MARCHF1: variants seen among roughly 807,000 people sequenced by gnomAD.
MARCHF1 encodes E3 ubiquitin-protein ligase MARCHF1.
A neutral mutation model predicts 54.2 loss-of-function variants in MARCHF1; 40 were observed. The observed-to-expected ratio is 0.74, with a 90% CI of 0.57 to 0.96. The LOEUF (loss-of-function observed/expected upper bound fraction) is 0.96. Ranked by LOEUF, MARCHF1 falls within the 40% of genes least tolerant of loss-of-function variation. The probability of loss-of-function intolerance (pLI) is 0.00; values close to 1 mark genes in which losing one functional copy is unlikely to be tolerated. For synonymous variants in MARCHF1, 236 were observed against 236.3 expected, an observed-to-expected ratio of 1.00 and a Z score of 0.01; for missense variants, 586 against 656.5, an observed-to-expected ratio of 0.89 and a Z score of 1.17.
chr4:163,655,757 C>T (rs1477363471), intron 5 of MARCHF1, among the ~76,000 whole-genome samples: 1 of 151,918 alleles, frequency 6.6e-6, no homozygotes, highest in Non-Finnish European at 1.5e-5. Context: ...GAAACTCACT[C>T]AAAACCACAC....
At chr4:164,107,699 GAGTA>G (rs961624280) in intron 2 of MARCHF1, among the ~76,000 whole-genome samples, 42 of 151,980 alleles carry the variant, frequency 2.8e-4, no homozygotes, top group African/African-American at 9.4e-4. Context: ...ACATTTAAGT[GAGTA>G]AGTGTTTACT....
chr4:164,078,811 C>T (rs1259091117), intron 2 of MARCHF1, among the ~76,000 whole-genome samples: 1 of 151,844 alleles, frequency 6.6e-6, no homozygotes, highest in African/African-American at 2.4e-5. Flanking sequence ...ACAACTATAC[C>T]TAATGTTAAA....
intron 1 of MARCHF1, among the ~76,000 whole-genome samples, chr4:164,374,747 T>C (rs1012946977): frequency 1.3e-5 from 2 of 152,116 alleles, no homozygotes; most frequent in Non-Finnish European, 2.9e-5. Context: ...AATCTTTCTT[T>C]CATGTAGTAG....
At chr4:163,655,126 T>C (rs911093826) in intron 5 of MARCHF1, among the ~76,000 whole-genome samples, 1 of 151,746 alleles carries the variant, frequency 6.6e-6, no homozygotes, top group Non-Finnish European at 1.5e-5. Flanking sequence ...CACTGATTTC[T>C]TGCTGAATGC....
intron 4 of MARCHF1, among the ~76,000 whole-genome samples, chr4:163,801,251 T>C (rs915040552): frequency 1.3e-5 from 2 of 152,044 alleles, no homozygotes; most frequent in African/African-American, 4.8e-5. Flanking sequence ...CAAGAACTTA[T>C]AAAGGATGAA....
In MARCHF1 at chr4:163,700,855, T is replaced by A; in HGVS notation, c.120A>T (p.Lys40Asn). Residue 40 changes from lysine (K) to asparagine (N), a missense_variant, in exon 5 of 10, where the codon AAA (lysine) becomes AAT (asparagine). By Grantham distance (94) the Lys-to-Asn change is moderately conservative. Transcript: ENST00000514618. ...DASQTSTLNE[K>N]SPGRSASRSS... Reference sequence around the variant, plus strand: ...ATCGACTTGCAGATCGCCCTGGGGATTTTTCATTCTGAAAAATAAAATGGG... The same window carrying A: ...ATCGACTTGCAGATCGCCCTGGGGAATTTTCATTCTGAAAAATAAAATGGG... The A allele has an allele frequency of 6.5e-7, 1 of 1,535,418 alleles. No individual in the cohort carries two copies. Among genetic ancestry groups the A allele is most frequent in the East Asian group, 2.5e-5 (1 of 40,804 alleles).
chr4:163,673,062 G>C (rs945794858), intron 5 of MARCHF1, among the ~76,000 whole-genome samples: 1 of 152,156 alleles, frequency 6.6e-6, no homozygotes, highest in African/African-American at 2.4e-5. Context: ...TGCTGTGGAA[G>C]GCAACATAGT....
intron 5 of MARCHF1, among the ~76,000 whole-genome samples, chr4:163,614,015 T>C (rs1311811533): frequency 1.3e-5 from 2 of 152,132 alleles, no homozygotes; most frequent in Non-Finnish European, 2.9e-5. Flanking sequence ...CATCAGATTA[T>C]TAGCATAAAG....
At chr4:163,759,107 CTTTT>C (rs76996625) in intron 4 of MARCHF1, among the ~76,000 whole-genome samples, 11 of 147,566 alleles carry the variant, frequency 7.5e-5, no homozygotes, top group Non-Finnish European at 1.1e-4. Context: ...TTAATATTCA[CTTTT>C]TTTTTTCCTA....
chr4:163,915,264 T>C (rs1751282242), intron 3 of MARCHF1, among the ~76,000 whole-genome samples: 1 of 152,056 alleles, frequency 6.6e-6, no homozygotes, highest in African/African-American at 2.4e-5. Context: ...TCTCTTAATA[T>C]GATATGATAA....
chr4:163,801,234 T>A (rs1748073190), intron 4 of MARCHF1, among the ~76,000 whole-genome samples: 1 of 152,046 alleles, frequency 6.6e-6, no homozygotes, highest in Non-Finnish European at 1.5e-5. Context: ...TTAGCTATTC[T>A]TTTTACCAAG....
chr4:163,973,530 C>T (rs1300205067), intron 3 of MARCHF1, among the ~76,000 whole-genome samples: 1 of 152,204 alleles, frequency 6.6e-6, no homozygotes, highest in Non-Finnish European at 1.5e-5. Context: ...TTCCCATTGG[C>T]CAAAGCAAGT....
chr4:164,339,452 T>C (rs1729851857), intron 1 of MARCHF1, among the ~76,000 whole-genome samples: 1 of 152,080 alleles, frequency 6.6e-6, no homozygotes, highest in African/African-American at 2.4e-5. Context: ...ATGTAGAAAT[T>C]AATCAACATA....
At chr4:163,713,743 T>C (rs1048886930) in intron 4 of MARCHF1, among the ~76,000 whole-genome samples, 1 of 152,170 alleles carries the variant, frequency 6.6e-6, no homozygotes, top group Non-Finnish European at 1.5e-5. Context: ...ATCTCACCTA[T>C]GGATAGTGGG....
At chr4:164,312,567 C>A (rs1351371305) in intron 1 of MARCHF1, among the ~76,000 whole-genome samples, 2 of 151,838 alleles carry the variant, frequency 1.3e-5, no homozygotes, top group African/African-American at 4.8e-5. Flanking sequence ...CGTGATCTGC[C>A]CGCCTCAGCC....
intron 3 of MARCHF1, chr4:163,933,159 C>A: frequency 2.4e-6 from 2 of 830,960 alleles, no homozygotes; most frequent in South Asian, 1.3e-5. Context: ...CAAAAGACAG[C>A]ACCCTCATTA....
At chr4:163,632,987 G>T (rs12648985) in intron 5 of MARCHF1, among the ~76,000 whole-genome samples, 10 of 151,930 alleles carry the variant, frequency 6.6e-5, no homozygotes, top group Non-Finnish European at 7.4e-5. Flanking sequence ...GCAGGGGCAC[G>T]CTGACACCTC....
At chr4:164,304,588 T>C (rs1297050049) in intron 1 of MARCHF1, among the ~76,000 whole-genome samples, 1 of 152,204 alleles carries the variant, frequency 6.6e-6, no homozygotes, top group Non-Finnish European at 1.5e-5. Context: ...GAATTTCAAG[T>C]GTTGAGTTGC....
At chr4:164,050,300 A>G (rs952254439) in intron 2 of MARCHF1, among the ~76,000 whole-genome samples, 3 of 148,654 alleles carry the variant, frequency 2.0e-5, no homozygotes, top group African/African-American at 7.6e-5. Context: ...AAAAAAAAAA[A>G]AAAAAGGCCC....
Sources: allele counts gnomAD v4.1 joint callset (sites outside exome capture counted in the v4.1 genomes callset), GRCh38; gene constraint gnomAD v4.1.1; transcripts MANE v1.5; gene names NCBI Gene and HGNC (gene_info 2026-07-23, HGNC 2026-07-21).